The following UNC13C variants were observed in gnomAD, a reference collection of about 807,000 sequenced individuals.
UNC13C encodes unc-13 homolog C, also known as protein unc-13 homolog C.
In UNC13C, 174 loss-of-function variants were observed where a neutral mutation model predicts 245.4. That is an observed-to-expected ratio of 0.71 (90% CI 0.63 to 0.80). The LOEUF (loss-of-function observed/expected upper bound fraction) is 0.80, where lower values mean the gene tolerates loss of function less well. Among genes scored for constraint, UNC13C ranks in the 30% least tolerant of loss-of-function variants. The pLI is 0.00. For missense variants in UNC13C, 2,829 were observed against 2,602.9 expected (o/e 1.09, Z -1.89); for synonymous variants, 992 against 895.1 (o/e 1.11, Z -1.93).
At chr15:54,480,510 T>C (rs981926580) in intron 19 of UNC13C, among the ~76,000 whole-genome samples, 3 of 151,472 alleles carry the variant, frequency 2.0e-5, no homozygotes, top group Non-Finnish European at 4.4e-5. Flanking sequence ...TTCTCTATTG[T>C]TGAAGTTCTC....
At chr15:54,288,893 G>T (rs1260512718) in intron 10 of UNC13C, among the ~76,000 whole-genome samples, 2 of 152,028 alleles carry the variant, frequency 1.3e-5, no homozygotes, top group Non-Finnish European at 2.9e-5. Flanking sequence ...CCTAATGGCT[G>T]CAGCCTCAGT....
intron 24 of UNC13C, among the ~76,000 whole-genome samples, chr15:54,525,197 T>G (rs535823738): frequency 2.0e-5 from 3 of 152,292 alleles, no homozygotes; most frequent in African/African-American, 4.8e-5. Context: ...AACACATATA[T>G]TCAGCTGAAG....
intron 10 of UNC13C, among the ~76,000 whole-genome samples, chr15:54,275,628 A>G (rs936209355): frequency 6.6e-6 from 1 of 152,148 alleles, no homozygotes; most frequent in Non-Finnish European, 1.5e-5. Flanking sequence ...GAAAGTTATA[A>G]TAATACACTT....
At chr15:53,885,621 T>G in the UNC13C span, among the ~76,000 whole-genome samples, 16 of 152,204 alleles carry the variant, frequency 1.1e-4, no homozygotes, top group Non-Finnish European at 2.4e-4. Flanking sequence ...CTATGTCACA[T>G]AAAATTTTGA....
At chr15:54,538,447 A>G (rs1275374382) in intron 26 of UNC13C, among the ~76,000 whole-genome samples, 1 of 152,098 alleles carries the variant, frequency 6.6e-6, no homozygotes, top group Non-Finnish European at 1.5e-5. Context: ...AGAGTTCTCA[A>G]CTAACTTAAA....
At position 54,015,823 on chromosome 15, in the gene UNC13C, G is replaced by A. The variant is rs1895631249; in HGVS notation, c.2920G>A (p.Glu974Lys). The change falls in exon 2 of 33, where the codon GAA becomes AAA. Residue 974 changes from glutamate to lysine, a missense_variant. Physicochemically the swap from Glu to Lys is moderately conservative, Grantham distance 56. Coordinates refer to ENST00000260323, the MANE Select transcript of UNC13C (RefSeq NM_001080534.3). ...KPKRIRPSFK[E>K]AALRAYKKQM... ...AAAGAGAATTCGTCCTTCTTTCAAA[G>A]AAGCAGCTTTAAGGGCCTATAAAAA... The A allele has an allele frequency of 1.2e-6, 2 of 1,610,968 alleles. No individual in the cohort carries two copies. The highest frequency in any genetic ancestry group is 2.7e-5 in the African/African-American group (2 of 74,860).
At chr15:53,925,276 G>A in the UNC13C span, among the ~76,000 whole-genome samples, 1 of 152,128 alleles carries the variant, frequency 6.6e-6, no homozygotes, top group Non-Finnish European at 1.5e-5. Flanking sequence ...GTAAAAGAAA[G>A]TATACATCTT....
intron 19 of UNC13C, among the ~76,000 whole-genome samples, chr15:54,427,343 C>T (rs1384805359): frequency 2.0e-5 from 3 of 151,640 alleles, no homozygotes; most frequent in Non-Finnish European, 3.0e-5. Context: ...TTTGTTTCTT[C>T]CTCATTTTCT....
At chr15:54,412,638 G>T (rs527530135) in intron 18 of UNC13C, among the ~76,000 whole-genome samples, 1 of 152,132 alleles carries the variant, frequency 6.6e-6, no homozygotes, top group Non-Finnish European at 1.5e-5. Context: ...TATATTCTGT[G>T]ACCTTATATT....
intron 30 of UNC13C, among the ~76,000 whole-genome samples, chr15:54,582,749 A>G (rs1898261108): frequency 6.6e-6 from 1 of 152,190 alleles, no homozygotes; most frequent in African/African-American, 2.4e-5. Flanking sequence ...ACTGTGAATT[A>G]TGACGACCAC....
intron 17 of UNC13C, among the ~76,000 whole-genome samples, chr15:54,344,785 C>G (rs192772189): frequency 8.5e-5 from 13 of 152,106 alleles, no homozygotes; most frequent in African/African-American, 3.1e-4. Context: ...AATTAAATAC[C>G]TTCATTTCAA....
intron 4 of UNC13C, among the ~76,000 whole-genome samples, chr15:54,158,660 A>T (rs1241728191): frequency 2.0e-5 from 3 of 150,164 alleles, no homozygotes; most frequent in African/African-American, 4.9e-5. Context: ...TATTTTTTTT[A>T]AACTTTTTAG....
At chr15:54,577,063 G>A (rs1236669721) in intron 30 of UNC13C, among the ~76,000 whole-genome samples, 1 of 152,120 alleles carries the variant, frequency 6.6e-6, no homozygotes, top group African/African-American at 2.4e-5. Context: ...TCCAAAGTGT[G>A]TATGAGTATG....
At chr15:54,028,711 G>A (rs764302821) in intron 2 of UNC13C, among the ~76,000 whole-genome samples, 1 of 62,736 alleles carries the variant, frequency 1.6e-5, no homozygotes, top group Non-Finnish European at 3.4e-5. Flanking sequence ...TTTTTGAGAC[G>A]GAGTCTCGCT....
At chr15:53,963,639 A>G in the UNC13C span, among the ~76,000 whole-genome samples, 1 of 152,198 alleles carries the variant, frequency 6.6e-6, no homozygotes, top group Non-Finnish European at 1.5e-5. Flanking sequence ...CTGAAAAATA[A>G]TAATAATGTG....
At chr15:54,229,915 T>G (rs1486523403) in intron 4 of UNC13C, among the ~76,000 whole-genome samples, 6 of 152,160 alleles carry the variant, frequency 3.9e-5, no homozygotes, top group African/African-American at 1.2e-4. Flanking sequence ...CTTAACATAA[T>G]GTCCTTCAGG....
At chr15:54,570,599 T>C (rs1897710678) in intron 30 of UNC13C, among the ~76,000 whole-genome samples, 1 of 152,208 alleles carries the variant, frequency 6.6e-6, no homozygotes, top group African/African-American at 2.4e-5. Context: ...TCATTCCCTC[T>C]CTTTTTTTGA....
intron 16 of UNC13C, among the ~76,000 whole-genome samples, chr15:54,335,787 C>T (rs1180613723): frequency 6.6e-6 from 1 of 152,130 alleles, no homozygotes; most frequent in South Asian, 2.1e-4. Flanking sequence ...GAGTTATTTA[C>T]AATTTTGGTT....
chr15:54,379,651 C>G (rs2039678702), intron 17 of UNC13C, among the ~76,000 whole-genome samples: 1 of 152,022 alleles, frequency 6.6e-6, no homozygotes, highest in Non-Finnish European at 1.5e-5. Flanking sequence ...AATAGAGGCT[C>G]TAAAATCAAC....
Sources: gnomAD v4.1 joint callset for allele counts (sites outside exome capture counted in the v4.1 genomes callset) on GRCh38, gnomAD v4.1.1 for gene constraint, MANE v1.5 for transcripts, NCBI Gene and HGNC (gene_info 2026-07-23, HGNC 2026-07-21) for gene names.